SENP7: variants seen among roughly 807,000 people sequenced by gnomAD.
The protein encoded by SENP7 is SUMO specific peptidase 7, also known as sentrin-specific protease 7.
SENP7 carries 64 observed loss-of-function variants against 141.2 expected under a neutral mutation model. That is an observed-to-expected ratio of 0.45 (90% CI 0.37 to 0.56). SENP7 has a LOEUF of 0.56. Among genes scored for constraint, SENP7 ranks in the 20% least tolerant of loss-of-function variants. The probability of loss-of-function intolerance (pLI) is 0.00; values close to 1 mark genes in which losing one functional copy is unlikely to be tolerated. For missense variants in SENP7, 1,025 were observed against 1,212.2 expected, an observed-to-expected ratio of 0.85 and a Z score of 2.29; for synonymous variants, 382 against 426.4, an observed-to-expected ratio of 0.90 and a Z score of 1.28.
chr3:101,341,773 T>C lies in SENP7; in HGVS notation c.2113A>G (p.Asn705Asp). ...TAAGTAGGCTTGGCCGCATCTGTGTTTGAGGGCTGACAGAAAGTGGCAAGA... is the reference window on the plus strand; with the variant it reads ...TAAGTAGGCTTGGCCGCATCTGTGTCTGAGGGCTGACAGAAAGTGGCAAGA... ...MKLKSVSQPSNTDAAKPTYTF... is the reference protein window; with the variant it reads ...MKLKSVSQPSDTDAAKPTYTF... Residue 705 changes from asparagine to aspartate, a missense_variant, in exon 15 of 24, where the codon AAC (asparagine) becomes GAC (aspartate). Asn to Asp is a conservative substitution (Grantham distance 23). Around this residue, in one of 4 missense-constraint regions of SENP7, gnomAD observed 295 missense variants for 459.1 expected, o/e 0.64. Coordinates refer to ENST00000394095, the MANE Select transcript of SENP7 (RefSeq NM_020654.5). 1 of 1,594,184 alleles carries C rather than the reference T, an allele frequency of 6.3e-7. No individual in the cohort carries two copies. The highest frequency in any genetic ancestry group is 8.6e-7 in the Non-Finnish European group (1 of 1,164,976).
intron 3 of SENP7, among the ~76,000 whole-genome samples, chr3:101,482,772 A>G (rs975731781): frequency 6.6e-6 from 1 of 151,988 alleles, no homozygotes; most frequent in Non-Finnish European, 1.5e-5. Context: ...AAATAGATCA[A>G]AGAAACAGAA....
chr3:101,338,876 T>C (rs1278849560), intron 16 of SENP7, among the ~76,000 whole-genome samples: 1 of 152,170 alleles, frequency 6.6e-6, no homozygotes, highest in Non-Finnish European at 1.5e-5. Flanking sequence ...CTTAAAGGCA[T>C]CAAACATTTT....
intron 5 of SENP7, among the ~76,000 whole-genome samples, chr3:101,403,070 C>G (rs1168284565): frequency 3.9e-5 from 6 of 152,084 alleles, no homozygotes; most frequent in African/African-American, 1.4e-4. Context: ...ACAAAGGTAA[C>G]AAAGTACAGT....
At position 101,364,594 on chromosome 3, in the gene SENP7, A is replaced by C. The variant is rs139428055; in HGVS notation, c.1476+240T>G. 7.2e-5 allele frequency among the ~76,000 whole-genome samples: 11 copies of C among 152,374 alleles called. No individual in the cohort carries two copies. In the East Asian group the frequency reaches 1.9e-3, roughly 27 times the overall value. ...AAGCCATAAAAAAAGAAAAATATTC[A>C]AGTAATAGACTATTCAGACTGAAAA... On this transcript the variant is annotated intron_variant, in intron 10 of 23. Transcript: ENST00000394095.
At chr3:101,432,778 T>C (rs1466630230) in intron 4 of SENP7, among the ~76,000 whole-genome samples, 1 of 152,100 alleles carries the variant, frequency 6.6e-6, no homozygotes. Flanking sequence ...CTTTCAAATA[T>C]CTGAAAAGCC....
chr3:101,449,944 C>G (rs916678432), intron 4 of SENP7, among the ~76,000 whole-genome samples: 2 of 152,172 alleles, frequency 1.3e-5, no homozygotes, highest in African/African-American at 4.8e-5. Context: ...CAAGACCCAT[C>G]AGTGTGCTAT....
At chr3:101,335,524 T>C (rs10049164) in intron 17 of SENP7, among the ~76,000 whole-genome samples, 2,013 of 152,270 alleles carry the variant, frequency 0.013, 11 homozygotes, top group Non-Finnish European at 0.023. Context: ...TGTGTGTGTG[T>C]GTGTAGTATC....
chr3:101,436,854 T>C (rs893587797), intron 4 of SENP7, among the ~76,000 whole-genome samples: 5 of 152,172 alleles, frequency 3.3e-5, no homozygotes, highest in African/African-American at 4.8e-5. Context: ...ATAACCACTA[T>C]GGAAAACACG....
intron 4 of SENP7, among the ~76,000 whole-genome samples, chr3:101,430,628 C>CA (rs953614221): frequency 3.3e-5 from 5 of 151,908 alleles, no homozygotes; most frequent in African/African-American, 1.2e-4. Context: ...TTGATCTTTT[C>CA]AAAAAAACCA....
At chr3:101,392,422 A>C (rs980568986) in intron 6 of SENP7, among the ~76,000 whole-genome samples, 1 of 152,228 alleles carries the variant, frequency 6.6e-6, no homozygotes, top group African/African-American at 2.4e-5. Context: ...AGCTGGAAAA[A>C]AAATAAAGTA....
chr3:101,363,450 T>TC (rs570238939), intron 10 of SENP7, among the ~76,000 whole-genome samples: 252 of 152,336 alleles, frequency 1.7e-3, no homozygotes, highest in African/African-American at 5.8e-3. Context: ...TCTTTGTAGA[T>TC]CTCCACAGTA....
chr3:101,463,396 T>TATATACAC (rs1320861204), intron 3 of SENP7, among the ~76,000 whole-genome samples: 32 of 82,842 alleles, frequency 3.9e-4, no homozygotes, highest in Admixed American at 7.4e-4. Flanking sequence ...TATATATATA[T>TATATACAC]ACATATATAT....
intron 12 of SENP7, among the ~76,000 whole-genome samples, chr3:101,350,738 ATCCC>A (rs2059592454): frequency 6.6e-6 from 1 of 152,020 alleles, no homozygotes; most frequent in African/African-American, 2.4e-5. Flanking sequence ...TGAAATTATC[ATCCC>A]CTTTTAAAAT....
chr3:101,429,267 T>C (rs1377771890), intron 4 of SENP7, among the ~76,000 whole-genome samples: 2 of 152,224 alleles, frequency 1.3e-5, no homozygotes, highest in East Asian at 1.9e-4. Flanking sequence ...GCATTGAATC[T>C]ATAAATTACT....
At chr3:101,328,865 T>G (rs184289634) in intron 20 of SENP7, among the ~76,000 whole-genome samples, 176 bp from the exon 21 acceptor site, 38 of 152,290 alleles carry the variant, frequency 2.5e-4, no homozygotes, top group African/African-American at 8.9e-4. Context: ...GCTAAAACAG[T>G]AGGCTATATA....
chr3:101,447,234 C>A (rs2062932020), intron 4 of SENP7, among the ~76,000 whole-genome samples: 1 of 151,998 alleles, frequency 6.6e-6, no homozygotes, highest in African/African-American at 2.4e-5. Flanking sequence ...TGCTTGAGAC[C>A]AGGTGTTCAA....
chr3:101,508,337 C>A (rs1428356220), intron 1 of SENP7, among the ~76,000 whole-genome samples: 1 of 152,118 alleles, frequency 6.6e-6, no homozygotes, highest in Admixed American at 6.5e-5. Context: ...TGGCTCACGT[C>A]TGTAATCCCA....
intron 4 of SENP7, among the ~76,000 whole-genome samples, chr3:101,451,159 A>G (rs1326200710): frequency 1.3e-5 from 2 of 152,204 alleles, no homozygotes; most frequent in Non-Finnish European, 2.9e-5. Flanking sequence ...TCCCAAGACT[A>G]AATCAGGAAG....
rs1553744822 is a variant in SENP7 at position 101,463,400 on chromosome 3, T to TATATATATATACAC, written c.187-4349_187-4348insGTGTATATATATAT. ...ATATATATATATATATATATATACA[T>TATATATATATACAC]ATATATATATATATATACACACACA... On this transcript the variant is annotated intron_variant, in intron 3 of 23. Transcript: ENST00000394095. Among the ~76,000 whole-genome samples, 155 of 77,972 alleles carry TATATATATATACAC rather than the reference T, an allele frequency of 2.0e-3. 3 individuals carry two copies. The East Asian group carries it at 0.023, about 12-fold the overall frequency. The allele number at this position is 77,972 out of a possible 152,430, so 51.2% of individuals were successfully genotyped here.
Sources: gnomAD v4.1 joint callset for allele counts (sites outside exome capture counted in the v4.1 genomes callset) on GRCh38, gnomAD v4.1.1 for gene constraint, gnomAD v4.1.1 regional missense constraint, MANE v1.5 for transcripts, NCBI Gene and HGNC (gene_info 2026-07-23, HGNC 2026-07-21) for gene names.